ERG: variants seen among roughly 807,000 people sequenced by gnomAD.
The protein encoded by ERG is ETS transcription factor ERG, also known as transcriptional regulator ERG.
In ERG, 9 loss-of-function variants were observed where a neutral mutation model predicts 55.3. That is an observed-to-expected ratio of 0.16 (90% CI 0.10 to 0.28). The LOEUF (loss-of-function observed/expected upper bound fraction) is 0.28, where lower values mean the gene tolerates loss of function less well. Ranked by LOEUF, ERG falls within the 10% of genes least tolerant of loss-of-function variation. The probability of loss-of-function intolerance (pLI) is 1.00; values close to 1 mark genes in which losing one functional copy is unlikely to be tolerated. For missense variants in ERG, 434 were observed against 631.6 expected (o/e 0.69, Z 3.35); for synonymous variants, 223 against 237.3 (o/e 0.94, Z 0.55).
chr21:38,543,429 G>A (rs1349153389), intron 2 of ERG, among the ~76,000 whole-genome samples: 1 of 149,982 alleles, frequency 6.7e-6, no homozygotes, highest in Non-Finnish European at 1.5e-5. Context: ...ATGTATATGT[G>A]TATATACACA....
At chr21:38,459,525 C>T (rs2059021257) in intron 1 of ERG, among the ~76,000 whole-genome samples, 1 of 152,232 alleles carries the variant, frequency 6.6e-6, no homozygotes, top group Non-Finnish European at 1.5e-5. Flanking sequence ...GCTTCTGCTA[C>T]ACTGACAACC....
intron 1 of ERG, among the ~76,000 whole-genome samples, chr21:38,497,848 CAA>C (rs974707583): frequency 6.6e-6 from 1 of 152,218 alleles, no homozygotes; most frequent in Non-Finnish European, 1.5e-5. Flanking sequence ...GGATGTCCCA[CAA>C]ATCAAGTCAA....
intron 2 of ERG, among the ~76,000 whole-genome samples, chr21:38,551,857 A>G (rs922157554): frequency 2.0e-5 from 3 of 152,174 alleles, no homozygotes; most frequent in African/African-American, 7.2e-5. Context: ...TGTTAGGTCC[A>G]TTTGGTCAAG....
chr21:38,475,644 A>C (rs1159764458), intron 1 of ERG, among the ~76,000 whole-genome samples: 1 of 152,100 alleles, frequency 6.6e-6, no homozygotes, highest in Non-Finnish European at 1.5e-5. Flanking sequence ...TTGCCTGATC[A>C]TGTTCTCTAA....
chr21:38,466,483 C>T (rs749484090), intron 1 of ERG, among the ~76,000 whole-genome samples: 162 of 152,058 alleles, frequency 1.1e-3, no homozygotes, highest in Non-Finnish European at 1.8e-3. Flanking sequence ...TTCACATTTG[C>T]AGGAGTGGTT....
At chr21:38,488,989 C>T (rs552528869) in intron 1 of ERG, among the ~76,000 whole-genome samples, 1 of 152,314 alleles carries the variant, frequency 6.6e-6, no homozygotes, top group African/African-American at 2.4e-5. Context: ...CAAGCTTATT[C>T]CCCTTGGAGA....
intron 2 of ERG, among the ~76,000 whole-genome samples, chr21:38,564,819 C>A (rs2059913358): frequency 6.6e-6 from 1 of 152,138 alleles, no homozygotes; most frequent in Non-Finnish European, 1.5e-5. Flanking sequence ...GGGCCCAAAG[C>A]TCAACCCTAA....
intron 1 of ERG, among the ~76,000 whole-genome samples, chr21:38,474,780 A>T (rs1277158852): frequency 6.6e-6 from 1 of 151,906 alleles, no homozygotes; most frequent in Non-Finnish European, 1.5e-5. Flanking sequence ...ACGTTGTGAT[A>T]AGAAGCCTTT....
At chr21:38,473,159 C>CAAAAAAAAAAAA (rs33994175) in intron 1 of ERG, among the ~76,000 whole-genome samples, 1 of 106,052 alleles carries the variant, frequency 9.4e-6, no homozygotes, top group African/African-American at 4.0e-5. Context: ...AGGATGCGCT[C>CAAAAAAAAAAAA]AAAAAAAAAA....
At chr21:38,461,487 G>T (rs1049855396) in intron 1 of ERG, among the ~76,000 whole-genome samples, 1 of 152,174 alleles carries the variant, frequency 6.6e-6, no homozygotes, top group Non-Finnish European at 1.5e-5. Context: ...CAGAGAATGT[G>T]TCCCTCTTCT....
intron 5 of ERG, 52 bp downstream of exon 5, chr21:38,402,505 G>T: frequency 7.2e-7 from 1 of 1,382,804 alleles, no homozygotes; most frequent in Non-Finnish European, 1.0e-6. Context: ...CATGCAACCT[G>T]TACGTAAGAC....
chr21:38,385,770 A>G (rs553429333), intron 9 of ERG, among the ~76,000 whole-genome samples: 27 of 152,354 alleles, frequency 1.8e-4, no homozygotes, highest in African/African-American at 5.8e-4. Context: ...AGAAAATACA[A>G]AGAATGGTAT....
intron 3 of ERG, among the ~76,000 whole-genome samples, chr21:38,409,893 A>G (rs921438409): frequency 2.5e-4 from 38 of 152,240 alleles, no homozygotes; most frequent in African/African-American, 8.9e-4. Flanking sequence ...AAAAATCTTA[A>G]ATAACACCAA....
At chr21:38,599,865 T>C (rs1169823489) in intron 1 of ERG, among the ~76,000 whole-genome samples, 2 of 152,166 alleles carry the variant, frequency 1.3e-5, no homozygotes, top group Non-Finnish European at 1.5e-5. Context: ...CATAACCTAC[T>C]GAGAACAGCT....
At chr21:38,456,889 G>A (rs2058994940) in intron 1 of ERG, among the ~76,000 whole-genome samples, 1 of 152,186 alleles carries the variant, frequency 6.6e-6, no homozygotes, top group Non-Finnish European at 1.5e-5. Flanking sequence ...AATGTTATAC[G>A]CTGAGCTCAT....
rs77791610 is a variant in ERG at position 38,567,579 on chromosome 21, G to A, written c.-41+8083C>T. Among the ~76,000 whole-genome samples, 84 of 152,262 alleles carry A rather than the reference G, an allele frequency of 5.5e-4. 1 individual carries two copies. In the East Asian group the frequency reaches 0.015, roughly 27 times the overall value. ...ATCAGCTTCATAGTAGACAGACTTTGGGGGCGGGGGAACTCTGTCTCTTTT... is the reference window on the plus strand; with the variant it reads ...ATCAGCTTCATAGTAGACAGACTTTAGGGGCGGGGGAACTCTGTCTCTTTT... On this transcript the variant is annotated intron_variant, in intron 2 of 8. Coordinates refer to the ERG transcript ENST00000398897.
At chr21:38,447,670 A>T (rs760459475) in intron 1 of ERG, among the ~76,000 whole-genome samples, 3 of 151,918 alleles carry the variant, frequency 2.0e-5, no homozygotes, top group Non-Finnish European at 2.9e-5. Flanking sequence ...AATTAAGACA[A>T]AAATTAGACC....
chr21:38,397,468 T>C (rs1267697597), intron 6 of ERG, among the ~76,000 whole-genome samples: 2 of 151,594 alleles, frequency 1.3e-5, no homozygotes. Flanking sequence ...CATGATGGCA[T>C]GCGCCTGTAG....
chr21:38,649,312 T>G (rs2060475095), intron 1 of ERG, among the ~76,000 whole-genome samples: 1 of 152,088 alleles, frequency 6.6e-6, no homozygotes, highest in South Asian at 2.1e-4. Context: ...GACGTAGCGT[T>G]TCTCTCAAAG....
Sources: allele counts gnomAD v4.1 joint callset (sites outside exome capture counted in the v4.1 genomes callset), GRCh38; gene constraint gnomAD v4.1.1; transcripts MANE v1.5; gene names NCBI Gene and HGNC (gene_info 2026-07-23, HGNC 2026-07-21).